Variants in SFTPA2 observed in about 807,000 individuals in gnomAD.
SFTPA2 encodes surfactant protein A2.
A neutral mutation model predicts 20.3 loss-of-function variants in SFTPA2; 21 were observed. That is an observed-to-expected ratio of 1.03 (90% CI 0.73 to 1.49). The LOEUF (loss-of-function observed/expected upper bound fraction) is 1.49, where lower values mean the gene tolerates loss of function less well. Among genes scored for constraint, SFTPA2 ranks in the 40% most tolerant of loss-of-function variants. The pLI is 0.00. For synonymous variants in SFTPA2, 116 were observed against 118.7 expected (o/e 0.98, Z 0.15); for missense variants, 302 against 314.8 (o/e 0.96, Z 0.31).
chr10:79,558,046 C>T lies in SFTPA2; in HGVS notation c.370+6G>A. On this transcript the variant is annotated splice_donor_region_variant and intron_variant, in intron 5 of 5. Transcript: ENST00000372325. ...CTACCCCGTGAGGCCCAGGGGGTCC[C>T]CTTACCTCCCCTTGTCTGCAGGATT... 1 of 1,614,094 alleles carries T rather than the reference C, an allele frequency of 6.2e-7. No homozygotes were observed. Among genetic ancestry groups the T allele is most frequent in the Non-Finnish European group, 8.5e-7 (1 of 1,180,000 alleles).
At position 79,556,140 on chromosome 10, in the gene SFTPA2, T is replaced by C. The variant is rs1261140238; in HGVS notation, c.*1069A>G. The C allele has an allele frequency of 4.8e-5, 8 of 167,060 alleles. No individual in the cohort carries two copies. The highest frequency in any genetic ancestry group is 1.5e-5 in the Non-Finnish European group (1 of 68,154). The allele number at this position is 167,060 out of a possible 1,614,324, so 10.3% of individuals were successfully genotyped here. On this transcript the variant is annotated 3_prime_UTR_variant, in exon 6 of 6. Coordinates refer to ENST00000372325, the MANE Select transcript of SFTPA2 (RefSeq NM_001098668.4). Reference sequence around the variant, plus strand: ...TTTTGTCAAGGTGTGTGGCACATGGTATGTGCTCGGTCAATAGCCTTTGTG... The same window carrying C: ...TTTTGTCAAGGTGTGTGGCACATGGCATGTGCTCGGTCAATAGCCTTTGTG...
chr10:79,558,191 C>A (rs978146418), intron 4 of SFTPA2, 62 bp from the exon 5 acceptor site: 66 of 1,612,964 alleles, frequency 4.1e-5, no homozygotes, highest in African/African-American at 9.4e-5. Context: ...CTTGCTGCCA[C>A]GCAGGCGTTT....
chr10:79,557,511 C>A lies in SFTPA2; in HGVS notation c.445G>T (p.Asp149Tyr). ...FSSNGQSITF[D>Y]AIQEACARAG... ...CTGGCACATGCCTCCTGAATGGCAT[C>A]AAAAGTGATGGACTGCCCATTGCTG... The change falls in exon 6 of 6, where the codon GAT becomes TAT. Residue 149 changes from aspartate (D) to tyrosine (Y), a missense_variant. This residue lies in a region of SFTPA2 where 264 missense variants were observed against 261.7 expected (regional missense o/e 1.01). Transcript: ENST00000372325. The A allele has an allele frequency of 6.2e-7, 1 of 1,613,452 alleles. No individual in the cohort carries two copies. The highest frequency in any genetic ancestry group is 8.5e-7 in the Non-Finnish European group (1 of 1,179,628).
At position 79,558,102 on chromosome 10, in the gene SFTPA2, A is replaced by C; in HGVS notation, c.320T>G (p.Leu107Arg). Residue 107 changes from leucine to arginine, a missense_variant, in exon 5 of 6, where the codon CTC becomes CGC. By Grantham distance (102) the Leu-to-Arg change is moderately radical. This residue lies in a region of SFTPA2 where 264 missense variants were observed against 261.7 expected (regional missense o/e 1.01). Coordinates refer to ENST00000372325, the MANE Select transcript of SFTPA2 (RefSeq NM_001098668.4). ...TCTGAAGTCGTGGAGTGTGGCTTGGAGCTCCTCATCTAGATGAGCTGGAAG... is the reference window on the plus strand; with the variant it reads ...TCTGAAGTCGTGGAGTGTGGCTTGGCGCTCCTCATCTAGATGAGCTGGAAG... Reference protein sequence around the residue: ...PGLPAHLDEELQATLHDFRHQ... With the variant: ...PGLPAHLDEERQATLHDFRHQ... 1 of 1,613,714 alleles carries C rather than the reference A, an allele frequency of 6.2e-7. No homozygotes were observed. Among genetic ancestry groups the C allele is most frequent in the Non-Finnish European group, 8.5e-7 (1 of 1,179,922 alleles).
intron 4 of SFTPA2, among the ~76,000 whole-genome samples, chr10:79,558,532 C>T (rs565277888): frequency 2.0e-5 from 3 of 152,184 alleles, no homozygotes; most frequent in African/African-American, 7.2e-5. Context: ...CCTGATCACA[C>T]CATCTGCCTG....
Position 79,559,954 on chromosome 10 carries a change from C to T in SFTPA2, c.-24+15G>A. On this transcript the variant is annotated intron_variant, in intron 2 of 5. Coordinates refer to ENST00000372325, the MANE Select transcript of SFTPA2 (RefSeq NM_001098668.4). Reference sequence around the variant, plus strand: ...TCACTGACTCACTCCATCTGTCCCTCATATGCCCAGTTACCTTCTTTTCAG... The same window carrying T: ...TCACTGACTCACTCCATCTGTCCCTTATATGCCCAGTTACCTTCTTTTCAG... The T allele has an allele frequency of 7.7e-7, 1 of 1,299,688 alleles. No individual in the cohort carries two copies. The highest frequency in any genetic ancestry group is 2.0e-5 in the South Asian group (1 of 48,878). The allele number at this position is 1,299,688 out of a possible 1,614,324, so 80.5% of individuals were successfully genotyped here. A position where few individuals can be genotyped will look rare whatever the true frequency, so the allele number is the denominator to read the frequency against.
chr10:79,559,942 C>A, intron 2 of SFTPA2, 27 bp downstream of exon 2: 1 of 1,338,938 alleles, frequency 7.5e-7, no homozygotes, highest in Non-Finnish European at 9.6e-7. Context: ...CTGACTCACT[C>A]CATCTGTCCC....
At position 79,557,296 on chromosome 10, in the gene SFTPA2, T is replaced by C; in HGVS notation, c.660A>G (p.Gly220=). Residue 220 remains glycine, a synonymous_variant, in exon 6 of 6, where the codon GGA becomes GGG. Coordinates refer to ENST00000372325, the MANE Select transcript of SFTPA2 (RefSeq NM_001098668.4). ...NWYRGEPAGR[G]KEQCVEMYTD... ...TGTACATCTCCACACACTGCTCTTT[T>C]CCCCGACCTGCAGGCTCCCCTCGGT... is the stretch of plus-strand genomic sequence containing the variant. 1 of 1,614,132 alleles carries C rather than the reference T, an allele frequency of 6.2e-7. No homozygotes were observed. Among genetic ancestry groups the C allele is most frequent in the Non-Finnish European group, 8.5e-7 (1 of 1,180,016 alleles).
intron 2 of SFTPA2, 77 bp downstream of exon 2, chr10:79,559,892 C>G (rs1859090488): frequency 1.4e-6 from 2 of 1,391,152 alleles, no homozygotes; most frequent in Admixed American, 5.9e-5. Flanking sequence ...TGCCCTGTCC[C>G]TCCCAGGCTG....
chr10:79,557,969 A>G, intron 5 of SFTPA2, 83 bp downstream of exon 5: 3 of 1,601,258 alleles, frequency 1.9e-6, no homozygotes, highest in Non-Finnish European at 2.6e-6. Context: ...CTTGTTTGTC[A>G]TCTCTATTCT....
In SFTPA2 at chr10:79,557,125, T is replaced by C. The variant is rs1033038723; in HGVS notation, c.*84A>G. 6.2e-7 allele frequency: 1 copy of C among 1,610,600 alleles called. No individual in the cohort carries two copies. On this transcript the variant is annotated 3_prime_UTR_variant, in exon 6 of 6. Transcript: ENST00000372325. The stretch of plus-strand genomic sequence containing the variant: ...AGTGAATTCTGTTGAAAGGGAGTTC[T>C]AGCATCTCACAGACCAAGTGGATCC...
chr10:79,557,555 A>G lies in SFTPA2; in HGVS notation c.401T>C (p.Val134Ala), dbSNP rs752682169. 1.6e-5 allele frequency: 25 copies of G among 1,612,056 alleles called. No homozygotes were observed. In the East Asian group the frequency reaches 4.2e-4, roughly 27 times the overall value. ...ATTGCTGGAGAAGACCTTCTCTCCTACTGTCATTATGGAGCCCTGCAGACT... is the reference window on the plus strand; with the variant it reads ...ATTGCTGGAGAAGACCTTCTCTCCTGCTGTCATTATGGAGCCCTGCAGACT... ...ALSLQGSIMT[V>A]GEKVFSSNGQ... Residue 134 changes from valine (V) to alanine (A), a missense_variant, in exon 6 of 6, where the codon GTA (valine) becomes GCA (alanine). Around this residue, in one of 3 missense-constraint regions of SFTPA2, gnomAD observed 264 missense variants for 261.7 expected, o/e 1.01. Transcript: ENST00000372325.
At position 79,559,998 on chromosome 10, in the gene SFTPA2, C is replaced by T. The variant is rs547805613; in HGVS notation, c.-53G>A. The stretch of plus-strand genomic sequence containing the variant: ...TTTTCAGGCTCCAAGAAATCAGCGA[C>T]CTGAGAATGAAAAGAGATGAATAGG... On this transcript the variant is annotated splice_region_variant and 5_prime_UTR_variant, in exon 2 of 6. Coordinates refer to ENST00000372325, the MANE Select transcript of SFTPA2 (RefSeq NM_001098668.4). 2 of 1,186,086 alleles carry T rather than the reference C, an allele frequency of 1.7e-6. No homozygotes were observed. The highest frequency in any genetic ancestry group is 9.7e-5 in the East Asian group (2 of 20,640). 73.5% of individuals were successfully genotyped at this position (1,186,086 alleles called of 1,614,324 possible). A position where few individuals can be genotyped will look rare whatever the true frequency, so the allele number is the denominator to read the frequency against.
intron 4 of SFTPA2, 81 bp downstream of exon 4, chr10:79,558,805 C>T (rs1858975785): frequency 6.2e-7 from 1 of 1,611,604 alleles, no homozygotes; most frequent in Non-Finnish European, 8.5e-7. Flanking sequence ...CAGGGTTTGT[C>T]TGACCCCCAT....
rs1859031803 is a variant in SFTPA2, at chr10:79,559,310, A to C, written c.172+2T>G. ...CTGAGGGTGGGGTCTGCAGCACAGTACCTGGAGGGCCAGGGTCTCCTTTGA... is the reference window on the plus strand; with the variant it reads ...CTGAGGGTGGGGTCTGCAGCACAGTCCCTGGAGGGCCAGGGTCTCCTTTGA... On this transcript the variant is annotated splice_donor_variant, in intron 3 of 5. Coordinates refer to ENST00000372325, the MANE Select transcript of SFTPA2 (RefSeq NM_001098668.4). LOFTEE classifies it high-confidence loss of function. The C allele has an allele frequency of 6.2e-7, 1 of 1,613,538 alleles. No individual in the cohort carries two copies. Among genetic ancestry groups the C allele is most frequent in the East Asian group, 2.2e-5 (1 of 44,848 alleles).
chr10:79,558,576 C>T (rs1858951721), intron 4 of SFTPA2, among the ~76,000 whole-genome samples: 1 of 152,106 alleles, frequency 6.6e-6, no homozygotes, highest in Admixed American at 6.5e-5. Flanking sequence ...TCAGACTGCC[C>T]CCAGGGCCTC....
intron 1 of SFTPA2, 63 bp from the exon 2 acceptor site, chr10:79,560,061 G>C: frequency 9.6e-7 from 1 of 1,045,168 alleles, no homozygotes; most frequent in Non-Finnish European, 1.2e-6. Context: ...TCATCGGGGG[G>C]TGATGACCCT....
At position 79,557,424 on chromosome 10, in the gene SFTPA2, C is replaced by T. The variant is rs371035540; in HGVS notation, c.532G>A (p.Val178Met). The change falls in exon 6 of 6, where the codon GTG becomes ATG. Residue 178 changes from valine (V) to methionine (M), a missense_variant. This residue lies in a region of SFTPA2 where 264 missense variants were observed against 261.7 expected (regional missense o/e 1.01). Transcript: ENST00000372325. The stretch of plus-strand genomic sequence containing the variant: ...TAGGCATATGTGTTGTACTTCTTCA[C>T]GAAGCTTGCAATGGCCTCATTTTCC... The part of the protein sequence containing the change: ...PEENEAIASF[V>M]KKYNTYAYVG... 2.8e-5 allele frequency: 45 copies of T among 1,613,790 alleles called. No homozygotes were observed. Among genetic ancestry groups the T allele is most frequent in the Non-Finnish European group, 3.7e-5 (44 of 1,179,864 alleles).
rs909123451 is a variant in SFTPA2, at chr10:79,557,595, G to A, written c.371-10C>T. On this transcript the variant is annotated splice_polypyrimidine_tract_variant and intron_variant, in intron 5 of 5. Transcript: ENST00000372325. ...CCCTGCAGACTGAGGGCTGAGAGCAGAGGAGTCCAGGTCAGGCCACTGACC... is the reference window on the plus strand; with the variant it reads ...CCCTGCAGACTGAGGGCTGAGAGCAAAGGAGTCCAGGTCAGGCCACTGACC... The A allele has an allele frequency of 6.3e-7, 1 of 1,590,622 alleles. No homozygotes were observed. The highest frequency in any genetic ancestry group is 1.4e-5 in the African/African-American group (1 of 73,568).
Sources: gnomAD v4.1 joint callset for allele counts (sites outside exome capture counted in the v4.1 genomes callset) on GRCh38, gnomAD v4.1.1 for gene constraint, gnomAD v4.1.1 regional missense constraint, MANE v1.5 for transcripts, NCBI Gene and HGNC (gene_info 2026-07-23, HGNC 2026-07-21) for gene names.